Variants in KCNJ3 observed in about 807,000 individuals in gnomAD.
KCNJ3 encodes the protein G protein-activated inward rectifier potassium channel 1.
Under a neutral mutation model 39.2 loss-of-function variants are expected in KCNJ3, and 4 were observed. The observed-to-expected ratio is 0.10, with a 90% CI of 0.05 to 0.23. KCNJ3 has a LOEUF of 0.23. Among genes scored for constraint, KCNJ3 ranks in the 10% least tolerant of loss-of-function variants. The pLI, the probability that KCNJ3 is intolerant of heterozygous loss-of-function variation, is 1.00. For missense variants in KCNJ3, 276 were observed against 634.9 expected (o/e 0.43, Z 6.08); for synonymous variants, 230 against 237.4 (o/e 0.97, Z 0.29).
chr2:154,817,508 T>C (rs1202438300), intron 2 of KCNJ3, among the ~76,000 whole-genome samples: 1 of 152,170 alleles, frequency 6.6e-6, no homozygotes, highest in Non-Finnish European at 1.5e-5. Context: ...AATTAAAGTC[T>C]CTCTAATGAG....
intron 2 of KCNJ3, among the ~76,000 whole-genome samples, chr2:154,716,986 A>G (rs1685191985): frequency 6.6e-6 from 1 of 152,252 alleles, no homozygotes. Context: ...AACTAAATCA[A>G]GTATTAGCAC....
chr2:154,846,802 G>A (rs563606722), intron 2 of KCNJ3, among the ~76,000 whole-genome samples: 59 of 152,072 alleles, frequency 3.9e-4, no homozygotes, highest in African/African-American at 1.4e-3. Flanking sequence ...TTTGTTCTGG[G>A]AGCTTAGAAA....
chr2:154,825,650 A>G (rs1021567599), intron 2 of KCNJ3, among the ~76,000 whole-genome samples: 4 of 151,824 alleles, frequency 2.6e-5, no homozygotes, highest in African/African-American at 9.7e-5. Flanking sequence ...ATTACAGCTT[A>G]CTGCAGCCTT....
chr2:154,759,474 A>T (rs1423807494), intron 2 of KCNJ3, among the ~76,000 whole-genome samples: 1 of 152,086 alleles, frequency 6.6e-6, no homozygotes, highest in Admixed American at 6.6e-5. Context: ...ATCTTTGTGT[A>T]TATAGCATCC....
chr2:154,824,088 A>G (rs916709651), intron 2 of KCNJ3, among the ~76,000 whole-genome samples: 2 of 152,142 alleles, frequency 1.3e-5, no homozygotes, highest in African/African-American at 4.8e-5. Context: ...TAATCCTAGC[A>G]CTTTGGAAGG....
At chr2:154,833,349 A>C (rs1687393721) in intron 2 of KCNJ3, among the ~76,000 whole-genome samples, 1 of 152,164 alleles carries the variant, frequency 6.6e-6, no homozygotes, top group Non-Finnish European at 1.5e-5. Flanking sequence ...TTGTTATTTA[A>C]ATTTTTTAAA....
chr2:154,838,010 C>CTGA (rs1687499846), intron 2 of KCNJ3, among the ~76,000 whole-genome samples: 1 of 152,106 alleles, frequency 6.6e-6, no homozygotes, highest in African/African-American at 2.4e-5. Context: ...AATATTATTA[C>CTGA]TGATTGATTG....
At chr2:154,792,984 A>G (rs1686660433) in intron 2 of KCNJ3, among the ~76,000 whole-genome samples, 1 of 152,108 alleles carries the variant, frequency 6.6e-6, no homozygotes, top group Non-Finnish European at 1.5e-5. Flanking sequence ...GAAAGGCCAG[A>G]GTTGTACTAA....
At chr2:154,838,569 G>GTTGT (rs1375721997) in intron 2 of KCNJ3, among the ~76,000 whole-genome samples, 60 of 152,300 alleles carry the variant, frequency 3.9e-4, no homozygotes, top group Admixed American at 3.9e-3. Flanking sequence ...TGTGGTTATT[G>GTTGT]TTGTTAAAGA....
chr2:154,743,980 A>T (rs991749380), intron 2 of KCNJ3, among the ~76,000 whole-genome samples: 2 of 151,510 alleles, frequency 1.3e-5, no homozygotes, highest in African/African-American at 4.8e-5. Context: ...GTTTCTGTAG[A>T]CATTCTTTAT....
chr2:154,765,257 T>A (rs1454316131), intron 2 of KCNJ3, among the ~76,000 whole-genome samples: 1 of 152,232 alleles, frequency 6.6e-6, no homozygotes, highest in East Asian at 1.9e-4. Context: ...GTTACTTGCT[T>A]ATTAAGGAAG....
intron 2 of KCNJ3, 75 bp from the exon 3 acceptor site, chr2:154,854,652 A>C (rs1241900532): frequency 9.3e-7 from 1 of 1,077,052 alleles, no homozygotes; most frequent in African/African-American, 1.6e-5. Context: ...AGTGAAATGA[A>C]TTATTTAGGC....
rs1687605525 is a variant in KCNJ3, at chr2:154,843,144, T to C, written c.920-11583T>C. Among the ~76,000 whole-genome samples the C allele has an allele frequency of 3.9e-5, 6 of 152,160 alleles. No homozygotes were observed. The South Asian group carries it at 1.2e-3, about 32-fold the overall frequency. On this transcript the variant is annotated intron_variant, in intron 2 of 2. Coordinates refer to ENST00000295101, the MANE Select transcript of KCNJ3 (RefSeq NM_002239.4). The stretch of plus-strand genomic sequence containing the variant: ...TAGGGCAGGCCTGGTGGTGACAAAA[T>C]CTCTCAGCATTTGCTTGTCTGTAAA...
intron 2 of KCNJ3, among the ~76,000 whole-genome samples, chr2:154,762,860 C>T (rs62170798): frequency 0.33 from 49,733 of 151,874 alleles, 9,462 homozygotes; most frequent in Non-Finnish European, 0.43. Flanking sequence ...GGTTAGAGGG[C>T]TGGGAAGCTT....
chr2:154,752,380 T>C (rs1685861166), intron 2 of KCNJ3, among the ~76,000 whole-genome samples: 1 of 151,968 alleles, frequency 6.6e-6, no homozygotes, highest in Admixed American at 6.6e-5. Flanking sequence ...TACAGATGAA[T>C]ATATCTAAGA....
intron 2 of KCNJ3, among the ~76,000 whole-genome samples, chr2:154,847,046 C>T (rs41491245): frequency 0.19 from 28,855 of 152,024 alleles, 3,213 homozygotes; most frequent in East Asian, 0.4. Flanking sequence ...CTACTCCTCG[C>T]TAAAAGTCTG....
At chr2:154,759,702 T>C (rs182365488) in intron 2 of KCNJ3, among the ~76,000 whole-genome samples, 1 of 152,124 alleles carries the variant, frequency 6.6e-6, no homozygotes, top group Admixed American at 6.5e-5. Flanking sequence ...TTAATCATAT[T>C]TATATAAGCC....
chr2:154,828,087 T>A (rs1362092606), intron 2 of KCNJ3, among the ~76,000 whole-genome samples: 1 of 151,270 alleles, frequency 6.6e-6, no homozygotes, highest in Non-Finnish European at 1.5e-5. Context: ...ATATCCGCAT[T>A]GTAGTTATGC....
At chr2:154,719,786 G>C (rs1685238468) in intron 2 of KCNJ3, among the ~76,000 whole-genome samples, 1 of 152,104 alleles carries the variant, frequency 6.6e-6, no homozygotes, top group Non-Finnish European at 1.5e-5. Flanking sequence ...ATTTTCCAAA[G>C]TTAACAGAGA....
Sources: gnomAD v4.1 joint callset for allele counts (sites outside exome capture counted in the v4.1 genomes callset) on GRCh38, gnomAD v4.1.1 for gene constraint, MANE v1.5 for transcripts, NCBI Gene and HGNC (gene_info 2026-07-23, HGNC 2026-07-21) for gene names.